Variants in INPP4B observed in about 807,000 individuals in gnomAD.
INPP4B encodes the protein inositol polyphosphate-4-phosphatase type II B, also known as inositol polyphosphate 4-phosphatase type II.
Under a neutral mutation model 122.5 loss-of-function variants are expected in INPP4B, and 55 were observed. The observed-to-expected ratio is 0.45, with a 90% CI of 0.36 to 0.56. INPP4B has a LOEUF of 0.56. Ranked by LOEUF, INPP4B falls within the 20% of genes least tolerant of loss-of-function variation. The pLI, the probability that INPP4B is intolerant of heterozygous loss-of-function variation, is 0.00. For synonymous variants in INPP4B, 403 were observed against 388.7 expected, an observed-to-expected ratio of 1.04 and a Z score of -0.43; for missense variants, 1,000 against 1,097.7, an observed-to-expected ratio of 0.91 and a Z score of 1.26.
chr4:142,796,906 G>C (rs1421566545), intron 1 of INPP4B, among the ~76,000 whole-genome samples: 6 of 140,794 alleles, frequency 4.3e-5, no homozygotes, highest in Admixed American at 6.9e-5. Flanking sequence ...GTGTGTGTGT[G>C]TGTGTGTGTC....
At chr4:142,511,530 AC>A (rs1450631330) in intron 2 of INPP4B, among the ~76,000 whole-genome samples, 1 of 152,152 alleles carries the variant, frequency 6.6e-6, no homozygotes, top group African/African-American at 2.4e-5. Context: ...TTTTTGGAAA[AC>A]AATACTATAG....
chr4:142,350,777 TG>T (rs1423276170), intron 7 of INPP4B, among the ~76,000 whole-genome samples: 7 of 152,012 alleles, frequency 4.6e-5, no homozygotes, highest in Non-Finnish European at 8.8e-5. Flanking sequence ...TTGTCTACAT[TG>T]GAAAGCATTT....
intron 17 of INPP4B, among the ~76,000 whole-genome samples, chr4:142,158,994 A>T (rs1818667827): frequency 6.6e-6 from 1 of 152,050 alleles, no homozygotes; most frequent in Non-Finnish European, 1.5e-5. Context: ...TGTATGACAT[A>T]TCTAATTTCC....
intron 2 of INPP4B, among the ~76,000 whole-genome samples, chr4:142,643,534 T>G (rs1039034884): frequency 1.3e-5 from 2 of 152,216 alleles, no homozygotes; most frequent in Non-Finnish European, 2.9e-5. Flanking sequence ...GGGTGTTCAC[T>G]TTGATAAATC....
intron 25 of INPP4B, among the ~76,000 whole-genome samples, chr4:142,072,364 C>T (rs1767970208): frequency 2.0e-5 from 3 of 151,732 alleles, no homozygotes; most frequent in Admixed American, 1.3e-4. Context: ...GAGGGATAGC[C>T]TTAGGAGATA....
At chr4:142,179,059 G>T (rs1463755982) in intron 15 of INPP4B, among the ~76,000 whole-genome samples, 3 of 152,138 alleles carry the variant, frequency 2.0e-5, no homozygotes, top group South Asian at 2.1e-4. Flanking sequence ...TTGGAGAAAA[G>T]AATTAGAAAA....
At chr4:142,172,240 C>T (rs1172800796) in intron 16 of INPP4B, among the ~76,000 whole-genome samples, 1 of 151,928 alleles carries the variant, frequency 6.6e-6, no homozygotes, top group Non-Finnish European at 1.5e-5. Context: ...CTGGAGTCAT[C>T]CAGATCTGGG....
chr4:142,427,452 C>G, intron 5 of INPP4B: 1 of 674,576 alleles, frequency 1.5e-6, no homozygotes, highest in Non-Finnish European at 2.7e-6. Context: ...CTTGCAGCTG[C>G]TAATCTCTTA....
chr4:142,532,899 T>C (rs1827786019), intron 2 of INPP4B, among the ~76,000 whole-genome samples: 1 of 152,176 alleles, frequency 6.6e-6, no homozygotes, highest in African/African-American at 2.4e-5. Context: ...TTGTGGACTT[T>C]TAGAAAACCT....
intron 7 of INPP4B, among the ~76,000 whole-genome samples, chr4:142,361,306 C>G (rs976826217): frequency 1.3e-5 from 2 of 151,952 alleles, no homozygotes; most frequent in African/African-American, 4.8e-5. Flanking sequence ...AGTGGCCCTA[C>G]TTATATCCCT....
At chr4:142,200,015 T>C (rs1270832275) in intron 14 of INPP4B, among the ~76,000 whole-genome samples, 2 of 152,078 alleles carry the variant, frequency 1.3e-5, no homozygotes, top group Non-Finnish European at 2.9e-5. Context: ...TTGTTACTGA[T>C]ATATCTGAAT....
chr4:142,183,172 T>C (rs1831649291), intron 15 of INPP4B, among the ~76,000 whole-genome samples: 2 of 152,214 alleles, frequency 1.3e-5, no homozygotes, highest in East Asian at 3.9e-4. Flanking sequence ...GGAGTCTTCC[T>C]TGATACCTCT....
chr4:142,645,289 G>A (rs1751498074), intron 2 of INPP4B, among the ~76,000 whole-genome samples: 1 of 152,180 alleles, frequency 6.6e-6, no homozygotes, highest in Non-Finnish European at 1.5e-5. Context: ...TTAGGATGTA[G>A]AGGTTCTCTT....
intron 25 of INPP4B, among the ~76,000 whole-genome samples, chr4:142,060,402 C>G (rs1001066901): frequency 2.0e-5 from 3 of 152,134 alleles, no homozygotes; most frequent in Admixed American, 2.0e-4. Flanking sequence ...CAGGAGAAAC[C>G]TTGCTAGATG....
intron 2 of INPP4B, among the ~76,000 whole-genome samples, chr4:142,641,519 G>T (rs995309548): frequency 1.3e-5 from 2 of 151,394 alleles, no homozygotes; most frequent in African/African-American, 2.4e-5. Context: ...AACATGCGGT[G>T]TTTGGTTTTT....
At chr4:142,348,857 A>G (rs1278100646) in intron 7 of INPP4B, among the ~76,000 whole-genome samples, 1 of 152,010 alleles carries the variant, frequency 6.6e-6, no homozygotes, top group Non-Finnish European at 1.5e-5. Flanking sequence ...GTTCTGCTGG[A>G]GGGAAAAGTG....
rs760631757 is a variant in INPP4B, at chr4:142,086,134, G to C, written c.2487+10C>G. 1.4e-5 allele frequency: 20 copies of C among 1,464,808 alleles called. No homozygotes were observed. The Admixed American group carries it at 2.2e-4, about 16-fold the overall frequency. The allele number at this position is 1,464,808 out of a possible 1,614,324, so 90.7% of individuals were successfully genotyped here. A position where few individuals can be genotyped will look rare whatever the true frequency, so the allele number is the denominator to read the frequency against. The stretch of plus-strand genomic sequence containing the variant: ...TGGCAGGAAATAAGATTTGACATGA[G>C]AGTGCTTACCGTTGCAGCCAGCCAC... On this transcript the variant is annotated intron_variant, in intron 24 of 25. Transcript: ENST00000262992.
chr4:142,474,529 C>G, intron 2 of INPP4B: 1 of 152,388 alleles, frequency 6.6e-6, no homozygotes, highest in East Asian at 1.9e-4. Flanking sequence ...TGCTGGTATC[C>G]AGGCAGGCAA....
chr4:142,101,029 A>T (rs949189878), intron 23 of INPP4B, among the ~76,000 whole-genome samples: 5 of 152,108 alleles, frequency 3.3e-5, no homozygotes, highest in African/African-American at 1.2e-4. Context: ...ATCAGAAGCA[A>T]TCTGATTGTT....
Sources: allele counts gnomAD v4.1 joint callset (sites outside exome capture counted in the v4.1 genomes callset), GRCh38; gene constraint gnomAD v4.1.1; transcripts MANE v1.5; gene names NCBI Gene and HGNC (gene_info 2026-07-23, HGNC 2026-07-21).